ESPNL: variants seen among roughly 807,000 people sequenced by gnomAD.
ESPNL encodes espin like.
A neutral mutation model predicts 46.8 loss-of-function variants in ESPNL; 49 were observed. That is an observed-to-expected ratio of 1.05 (90% CI 0.83 to 1.33). The LOEUF (loss-of-function observed/expected upper bound fraction) is 1.33, where lower values mean the gene tolerates loss of function less well. ESPNL is among the 40% of genes most tolerant of loss of function. ESPNL has a pLI of 0.00. For synonymous variants in ESPNL, 664 were observed against 662.1 expected (o/e 1.00, Z -0.04); for missense variants, 1,540 against 1,436.6 (o/e 1.07, Z -1.16).
chr2:238,103,043 A>G (rs997130319), intron 2 of ESPNL, among the ~76,000 whole-genome samples: 1 of 152,192 alleles, frequency 6.6e-6, no homozygotes, highest in Non-Finnish European at 1.5e-5. Context: ...GCTTTTCTCC[A>G]GAGCGTCCAC....
Position 238,130,564 on chromosome 2 carries a change from A to T in ESPNL, c.1850A>T (p.Asp617Val). 6.3e-7 allele frequency: 1 copy of T among 1,583,526 alleles called. No homozygotes were observed. Among genetic ancestry groups the T allele is most frequent in the East Asian group, 2.3e-5 (1 of 43,722 alleles). Reference sequence around the variant, plus strand: ...GGCGTGCATGGGCTAGTACAGGGGGATGAGAAGCCATCCACCCGGCCCCTG... The same window carrying T: ...GGCGTGCATGGGCTAGTACAGGGGGTTGAGAAGCCATCCACCCGGCCCCTG... ...LKGVHGLVQGDEKPSTRPLQD... is the reference protein window; with the variant it reads ...LKGVHGLVQGVEKPSTRPLQD... Residue 617 changes from aspartate (D) to valine (V), a missense_variant, in exon 9 of 9, where the codon GAT becomes GTT. By Grantham distance (152) the Asp-to-Val change is radical. Coordinates refer to ENST00000343063, the MANE Select transcript of ESPNL (RefSeq NM_194312.4).
At chr2:238,102,462 AAC>A (rs1691506651) in intron 2 of ESPNL, among the ~76,000 whole-genome samples, 1 of 152,068 alleles carries the variant, frequency 6.6e-6, no homozygotes, top group African/African-American at 2.4e-5. Flanking sequence ...CGGGACCTAA[AAC>A]AGCTGGGGAC....
At chr2:238,106,283 G>T (rs953950969) in intron 3 of ESPNL, among the ~76,000 whole-genome samples, 1 of 152,194 alleles carries the variant, frequency 6.6e-6, no homozygotes, top group Admixed American at 6.5e-5. Context: ...TTAGGATGGC[G>T]CCTGCTGCTC....
rs777820556 is a variant in ESPNL, at chr2:238,101,928, C to A, written c.295-13C>A. 2.5e-6 allele frequency: 4 copies of A among 1,599,854 alleles called. No homozygotes were observed. Among genetic ancestry groups the A allele is most frequent in the East Asian group, 2.3e-5 (1 of 44,374 alleles). ...CCTACCCCCCACTCACTGACCTACCCGGGGCTTGGTAGGACCAAGATGCCT... is the reference window on the plus strand; with the variant it reads ...CCTACCCCCCACTCACTGACCTACCAGGGGCTTGGTAGGACCAAGATGCCT... On this transcript the variant is annotated splice_polypyrimidine_tract_variant and intron_variant, in intron 1 of 8. Transcript: ENST00000343063.
intron 1 of ESPNL, among the ~76,000 whole-genome samples, chr2:238,101,684 G>A (rs774969739): frequency 6.6e-6 from 1 of 152,194 alleles, no homozygotes; most frequent in African/African-American, 2.4e-5. Flanking sequence ...CACTGGGGAC[G>A]GGCCCAGGAG....
At chr2:238,117,079 G>A (rs1691834633) in intron 5 of ESPNL, 45 bp downstream of exon 5, 5 of 1,568,758 alleles carry the variant, frequency 3.2e-6, no homozygotes, top group Non-Finnish European at 2.6e-6. Context: ...TGGGGGGTGG[G>A]CCCAGACCCC....
intron 5 of ESPNL, among the ~76,000 whole-genome samples, chr2:238,121,755 C>T (rs1276479345): frequency 6.6e-6 from 1 of 152,238 alleles, no homozygotes; most frequent in Non-Finnish European, 1.5e-5. Flanking sequence ...GAGGCGCCTG[C>T]CCTGGTGGGC....
At position 238,100,681 on chromosome 2, in the gene ESPNL, T is replaced by A; in HGVS notation, c.262T>A (p.Trp88Arg). The change falls in exon 1 of 9, where the codon TGG becomes AGG. Residue 88 changes from tryptophan (W) to arginine (R), a missense_variant. Physicochemically the swap from Trp to Arg is moderately radical, Grantham distance 101. Coordinates refer to ENST00000343063, the MANE Select transcript of ESPNL (RefSeq NM_194312.4). ...CACGGGCAGCCTGGCCGAGCTGTGC[T>A]GGCTGGTCCGCGAGGGGGGCTGCGG... The part of the protein sequence containing the change: ...AATGSLAELC[W>R]LVREGGCGLQ... 1 of 1,438,328 alleles carries A rather than the reference T, an allele frequency of 7.0e-7. No homozygotes were observed. Among genetic ancestry groups the A allele is most frequent in the South Asian group, 1.5e-5 (1 of 67,722 alleles). 89.1% of individuals were successfully genotyped at this position (1,438,328 alleles called of 1,614,324 possible). A position where few individuals can be genotyped will look rare whatever the true frequency, so the allele number is the denominator to read the frequency against.
Position 238,100,408 on chromosome 2 carries a change from C to T in ESPNL, c.-12C>T, listed in dbSNP as rs1691433912. Reference sequence around the variant, plus strand: ...CTGTGCATGAGTCGCCACTGAGAGCCCGGGCCAGAGGATGGAGAAGCAGCG... The same window carrying T: ...CTGTGCATGAGTCGCCACTGAGAGCTCGGGCCAGAGGATGGAGAAGCAGCG... On this transcript the variant is annotated 5_prime_UTR_variant, in exon 1 of 9. Transcript: ENST00000343063. The T allele has an allele frequency of 6.3e-7, 1 of 1,589,896 alleles. No individual in the cohort carries two copies. The highest frequency in any genetic ancestry group is 8.5e-7 in the Non-Finnish European group (1 of 1,172,074).
At chr2:238,108,197 C>A (rs1158964866) in intron 4 of ESPNL, among the ~76,000 whole-genome samples, 1 of 152,234 alleles carries the variant, frequency 6.6e-6, no homozygotes, top group African/African-American at 2.4e-5. Context: ...ATCCTCCCTC[C>A]CTTCGCGCAG....
intron 5 of ESPNL, among the ~76,000 whole-genome samples, chr2:238,124,186 G>GTGCTC (rs1422761109): frequency 6.6e-6 from 1 of 152,244 alleles, no homozygotes; most frequent in East Asian, 1.9e-4. Flanking sequence ...GCCGATTTGA[G>GTGCTC]TGCTCTGCTC....
rs145589748 is a variant in ESPNL, at chr2:238,130,388, G to C, written c.1674G>C (p.Ala558=). 1.4e-5 allele frequency: 22 copies of C among 1,610,580 alleles called. No homozygotes were observed. The highest frequency in any genetic ancestry group is 1.5e-5 in the Non-Finnish European group (18 of 1,179,174). ...ITVNSHFLPR[A]PGLEVEEASI... ...TCAACAGCCACTTCCTGCCCCGGGC[G>C]CCCGGACTGGAGGTTGAGGAGGCCT... The change falls in exon 9 of 9, where the codon GCG becomes GCC. Residue 558 remains alanine, a synonymous_variant. Transcript: ENST00000343063.
chr2:238,113,643 A>T (rs1241314461), intron 4 of ESPNL, among the ~76,000 whole-genome samples: 1 of 152,154 alleles, frequency 6.6e-6, no homozygotes, highest in Non-Finnish European at 1.5e-5. Flanking sequence ...TGGGCCTAGG[A>T]TCATCTTAAT....
At chr2:238,119,583 G>GGAGGAGGTGGATA (rs1484450056) in intron 5 of ESPNL, among the ~76,000 whole-genome samples, 4 of 151,396 alleles carry the variant, frequency 2.6e-5, no homozygotes, top group African/African-American at 9.8e-5. Flanking sequence ...GGAGGTGGAT[G>GGAGGAGGTGGATA]GAGGAGGTGG....
intron 5 of ESPNL, among the ~76,000 whole-genome samples, chr2:238,120,944 A>C (rs1409696785): frequency 6.6e-6 from 1 of 152,228 alleles, no homozygotes; most frequent in African/African-American, 2.4e-5. Context: ...ATCTGCCCCC[A>C]GGGGACTCGT....
At position 238,100,566 on chromosome 2, in the gene ESPNL, G is replaced by A. The variant is rs1691442660; in HGVS notation, c.147G>A (p.Leu49=). ...ACCACGCCACCCGGGCTGGCCACCTGGACTGCGTCAAGTTCTTGGTGCAGC... is the reference window on the plus strand; with the variant it reads ...ACCACGCCACCCGGGCTGGCCACCTAGACTGCGTCAAGTTCTTGGTGCAGC... ...LVHHATRAGH[L]DCVKFLVQRA... is the part of the protein sequence containing the mutation. The change falls in exon 1 of 9, where the codon CTG becomes CTA. Residue 49 remains leucine, a synonymous_variant. Coordinates refer to ENST00000343063, the MANE Select transcript of ESPNL (RefSeq NM_194312.4). 2 of 1,585,674 alleles carry A rather than the reference G, an allele frequency of 1.3e-6. No individual in the cohort carries two copies. The highest frequency in any genetic ancestry group is 3.6e-5 in the Admixed American group (2 of 55,768).
In ESPNL at chr2:238,132,453, A is replaced by C. The variant is rs1400230798; in HGVS notation, c.*721A>C. The C allele has an allele frequency of 6.6e-6, 1 of 152,428 alleles. No individual in the cohort carries two copies. The highest frequency in any genetic ancestry group is 2.4e-5 in the African/African-American group (1 of 41,480). The allele number at this position is 152,428 out of a possible 1,614,324, so 9.4% of individuals were successfully genotyped here. On this transcript the variant is annotated 3_prime_UTR_variant, in exon 9 of 9. Coordinates refer to ENST00000343063, the MANE Select transcript of ESPNL (RefSeq NM_194312.4). ...TGGAGAGCAGGGACGTGGGAGTAGCAGTGGCTGAGAGAGTCCTCCAGGCAG... is the reference window on the plus strand; with the variant it reads ...TGGAGAGCAGGGACGTGGGAGTAGCCGTGGCTGAGAGAGTCCTCCAGGCAG...
At chr2:238,116,704 A>G (rs11901853) in intron 4 of ESPNL, among the ~76,000 whole-genome samples, 199 bp from the exon 5 acceptor site, 28,912 of 152,196 alleles carry the variant, frequency 0.19, 3,010 homozygotes, top group African/African-American at 0.27. Context: ...GGGCCAGGAC[A>G]GGGTGGCTGT....
chr2:238,122,499 G>T (rs1452950637), intron 5 of ESPNL, among the ~76,000 whole-genome samples: 1 of 152,242 alleles, frequency 6.6e-6, no homozygotes, highest in Non-Finnish European at 1.5e-5. Context: ...GAGTGGAGCA[G>T]GGCTGGGCCA....
Sources: allele counts gnomAD v4.1 joint callset (sites outside exome capture counted in the v4.1 genomes callset), GRCh38; gene constraint gnomAD v4.1.1; transcripts MANE v1.5; gene names NCBI Gene and HGNC (gene_info 2026-07-23, HGNC 2026-07-21).